KCND2: variants seen among roughly 807,000 people sequenced by gnomAD.
KCND2 encodes potassium voltage-gated channel subfamily D member 2.
KCND2 carries 16 observed loss-of-function variants against 54.4 expected under a neutral mutation model. The observed-to-expected ratio is 0.29, with a 90% CI of 0.20 to 0.45. The LOEUF is 0.45. KCND2 is among the 20% of genes least tolerant of loss of function. The probability of loss-of-function intolerance (pLI) is 1.00; values close to 1 mark genes in which losing one functional copy is unlikely to be tolerated. For missense variants in KCND2, 486 were observed against 824.2 expected, an observed-to-expected ratio of 0.59 and a Z score of 5.02; for synonymous variants, 317 against 310.7, an observed-to-expected ratio of 1.02 and a Z score of -0.21.
chr7:120,432,004 GA>G (rs1801795424), intron 1 of KCND2, among the ~76,000 whole-genome samples: 1 of 152,150 alleles, frequency 6.6e-6, no homozygotes, highest in Admixed American at 6.5e-5. Context: ...GCTTCTGGAT[GA>G]ATCTGCATTT....
chr7:120,694,953 A>G (rs1017347405), intron 1 of KCND2, among the ~76,000 whole-genome samples: 2 of 152,146 alleles, frequency 1.3e-5, no homozygotes, highest in African/African-American at 4.8e-5. Context: ...GAATTACTGT[A>G]GCACTTTTGG....
chr7:120,426,369 C>T lies in KCND2; in HGVS notation c.1115+150622C>T, dbSNP rs78719398. Reference sequence around the variant, plus strand: ...AAAGAAATAGGATTTCTTCATGTTCCAACAGATTTATATAACTTTGAAAAG... The same window carrying T: ...AAAGAAATAGGATTTCTTCATGTTCTAACAGATTTATATAACTTTGAAAAG... On this transcript the variant is annotated intron_variant, in intron 1 of 5. Coordinates refer to ENST00000331113, the MANE Select transcript of KCND2 (RefSeq NM_012281.3). Among the ~76,000 whole-genome samples the T allele has an allele frequency of 6.9e-3, 1,056 of 152,102 alleles. 10 individuals carry two copies. The highest frequency in any genetic ancestry group is 0.014 in the Middle Eastern group (4 of 288).
intron 2 of KCND2, among the ~76,000 whole-genome samples, chr7:120,738,186 A>G (rs1792897832): frequency 6.6e-6 from 1 of 152,074 alleles, no homozygotes; most frequent in Non-Finnish European, 1.5e-5. Context: ...TGCAGATTAT[A>G]TATCCCTGTT....
At chr7:120,573,130 C>T (rs996145744) in intron 1 of KCND2, among the ~76,000 whole-genome samples, 3 of 152,234 alleles carry the variant, frequency 2.0e-5, no homozygotes, top group African/African-American at 7.2e-5. Context: ...GAAATTCTAC[C>T]TTTAAAAATT....
At chr7:120,660,601 T>G (rs1791853522) in intron 1 of KCND2, among the ~76,000 whole-genome samples, 1 of 152,218 alleles carries the variant, frequency 6.6e-6, no homozygotes, top group Non-Finnish European at 1.5e-5. Context: ...AACCATTATA[T>G]TCAAATGTGC....
intron 1 of KCND2, among the ~76,000 whole-genome samples, chr7:120,480,071 A>G (rs541393387): frequency 1.1e-3 from 174 of 151,842 alleles, no homozygotes; most frequent in African/African-American, 4.0e-3. Flanking sequence ...TGAACTTATA[A>G]CATCAAAATA....
At chr7:120,277,616 T>A (rs1464541150) in intron 1 of KCND2, among the ~76,000 whole-genome samples, 1 of 152,030 alleles carries the variant, frequency 6.6e-6, no homozygotes, top group African/African-American at 2.4e-5. Context: ...AGAATGTTGA[T>A]GAGAATTCTA....
At chr7:120,354,752 G>A (rs1038431087) in intron 1 of KCND2, among the ~76,000 whole-genome samples, 5 of 152,110 alleles carry the variant, frequency 3.3e-5, no homozygotes, top group Admixed American at 6.6e-5. Context: ...AGAGGGAGAC[G>A]CTGCCTCCAA....
chr7:120,492,112 T>G (rs1472796025), intron 1 of KCND2, among the ~76,000 whole-genome samples: 1 of 152,068 alleles, frequency 6.6e-6, no homozygotes, highest in East Asian at 1.9e-4. Flanking sequence ...AAGAAAGTAA[T>G]TGATTTCTCT....
chr7:120,346,144 T>G (rs1190949634), intron 1 of KCND2, among the ~76,000 whole-genome samples: 1 of 152,244 alleles, frequency 6.6e-6, no homozygotes, highest in Non-Finnish European at 1.5e-5. Flanking sequence ...ATATCTTTGT[T>G]GAAATATCTG....
At chr7:120,736,039 C>A (rs1308472452) in intron 2 of KCND2, among the ~76,000 whole-genome samples, 1 of 152,040 alleles carries the variant, frequency 6.6e-6, no homozygotes, top group African/African-American at 2.4e-5. Context: ...CCAGCTAATT[C>A]AGTCAAGCAA....
At chr7:120,286,116 T>G (rs1339344453) in intron 1 of KCND2, among the ~76,000 whole-genome samples, 1 of 151,946 alleles carries the variant, frequency 6.6e-6, no homozygotes, top group Non-Finnish European at 1.5e-5. Context: ...ATGAATAAAT[T>G]AAGAAATCAC....
rs539397944 is a variant in KCND2 at position 120,517,657 on chromosome 7, G to A, written c.1116-215246G>A. ...AAAATATTAGTAGACCAACTGCTTA[G>A]CACATTACTTCAATAAAGGGGAGCT... On this transcript the variant is annotated intron_variant, in intron 1 of 5. Coordinates refer to ENST00000331113, the MANE Select transcript of KCND2 (RefSeq NM_012281.3). 9.9e-5 allele frequency among the ~76,000 whole-genome samples: 15 copies of A among 152,174 alleles called. No individual in the cohort carries two copies. In the East Asian group the frequency reaches 1.9e-3, roughly 20 times the overall value.
At chr7:120,666,991 GGA>G (rs556617560) in intron 1 of KCND2, among the ~76,000 whole-genome samples, 4 of 151,776 alleles carry the variant, frequency 2.6e-5, no homozygotes, top group African/African-American at 9.7e-5. Context: ...AAGAGGAGAG[GGA>G]GAGAGAGACA....
At chr7:120,273,150 G>A (rs892574703), upstream of KCND2, among the ~76,000 whole-genome samples, 21 of 152,294 alleles carry the variant, frequency 1.4e-4, no homozygotes, top group Middle Eastern at 3.4e-3. Flanking sequence ...AGGTCAAGCC[G>A]AGGGAAAGGC....
chr7:120,312,369 A>T (rs1799748173), intron 1 of KCND2, among the ~76,000 whole-genome samples: 1 of 152,030 alleles, frequency 6.6e-6, no homozygotes, highest in Non-Finnish European at 1.5e-5. Flanking sequence ...TGTTTTTATA[A>T]CAGAAAGATT....
At chr7:120,539,104 CATATT>C (rs1236966833) in intron 1 of KCND2, among the ~76,000 whole-genome samples, 3 of 151,690 alleles carry the variant, frequency 2.0e-5, no homozygotes, top group African/African-American at 2.4e-5. Flanking sequence ...ACTATATAAC[CATATT>C]ATAGCTAATA....
chr7:120,611,463 T>A (rs1266428317), intron 1 of KCND2, among the ~76,000 whole-genome samples: 3 of 152,142 alleles, frequency 2.0e-5, no homozygotes, highest in African/African-American at 7.2e-5. Context: ...AGCATAGAAA[T>A]GAACTTTTGC....
chr7:120,354,354 A>C (rs956087489), intron 1 of KCND2, among the ~76,000 whole-genome samples: 1 of 152,214 alleles, frequency 6.6e-6, no homozygotes, highest in Admixed American at 6.5e-5. Context: ...CAACATTTCA[A>C]AAATTAGTAT....
Sources: gnomAD v4.1 joint callset for allele counts (sites outside exome capture counted in the v4.1 genomes callset) on GRCh38, gnomAD v4.1.1 for gene constraint, MANE v1.5 for transcripts, NCBI Gene and HGNC (gene_info 2026-07-23, HGNC 2026-07-21) for gene names.